The following TRPM3 variants were observed in gnomAD, a reference collection of about 807,000 sequenced individuals.
The protein encoded by TRPM3 is long transient receptor potential channel 3.
Under a neutral mutation model 181.2 loss-of-function variants are expected in TRPM3, and 77 were observed. The observed-to-expected ratio is 0.42, with a 90% CI of 0.35 to 0.51. The LOEUF is 0.51. Ranked by LOEUF, TRPM3 falls within the 20% of genes least tolerant of loss-of-function variation. TRPM3 has a pLI of 0.01. For synonymous variants in TRPM3, 745 were observed against 796.4 expected (o/e 0.94, Z 1.09); for missense variants, 1,759 against 2,196.7 (o/e 0.80, Z 3.98).
intron 8 of TRPM3, among the ~76,000 whole-genome samples, chr9:70,740,275 GA>G (rs1480595061): frequency 6.6e-6 from 1 of 152,082 alleles, no homozygotes; most frequent in Non-Finnish European, 1.5e-5. Flanking sequence ...GGAAGTGAAA[GA>G]CTTCTACAAC....
chr9:70,761,368 T>A (rs915542656), intron 8 of TRPM3: 2 of 661,614 alleles, frequency 3.0e-6, no homozygotes, highest in Non-Finnish European at 5.5e-6. Context: ...TTGGATGAGC[T>A]CCAAAAGGAA....
At chr9:70,658,424 G>A (rs2060661979) in intron 9 of TRPM3, among the ~76,000 whole-genome samples, 1 of 152,032 alleles carries the variant, frequency 6.6e-6, no homozygotes, top group Non-Finnish European at 1.5e-5. Context: ...GGCTTATTTG[G>A]TATAAAAATT....
intron 1 of TRPM3, among the ~76,000 whole-genome samples, chr9:71,294,123 A>G (rs1257325729): frequency 2.6e-5 from 4 of 152,044 alleles, no homozygotes; most frequent in African/African-American, 9.6e-5. Flanking sequence ...ATTTTCTAAA[A>G]AAGAAAACTA....
At chr9:71,269,793 G>T (rs1462116729) in intron 1 of TRPM3, among the ~76,000 whole-genome samples, 2 of 152,122 alleles carry the variant, frequency 1.3e-5, no homozygotes, top group Non-Finnish European at 2.9e-5. Context: ...AAATAATCTG[G>T]TCAACAGTAG....
intron 1 of TRPM3, among the ~76,000 whole-genome samples, chr9:71,133,973 T>TTGTGTG (rs72198070): frequency 9.4e-5 from 14 of 148,572 alleles, no homozygotes; most frequent in South Asian, 2.2e-4. Context: ...CTGTGTGTGT[T>TTGTGTG]TGTGTGTGTG....
chr9:71,063,796 C>T (rs934649430), intron 1 of TRPM3, among the ~76,000 whole-genome samples: 10 of 152,016 alleles, frequency 6.6e-5, no homozygotes, highest in African/African-American at 9.7e-5. Flanking sequence ...AAAGAAACAC[C>T]GCCAAAGGTG....
intron 5 of TRPM3, among the ~76,000 whole-genome samples, chr9:70,839,066 G>C (rs2094488869): frequency 6.6e-6 from 1 of 152,132 alleles, no homozygotes. Flanking sequence ...TTTACAGCCA[G>C]ATGCTTGGTT....
rs113738852 is a variant in TRPM3 at position 70,979,015 on chromosome 9, G to A, written c.178-114504C>T. ...TGCCCTGGAAGACATCTTGAGATGA[G>A]TCATCTCAAGGAAACACTTTTCTAG... On this transcript the variant is annotated intron_variant, in intron 1 of 25. Transcript: ENST00000677713. 1.2e-3 allele frequency among the ~76,000 whole-genome samples: 182 copies of A among 152,324 alleles called. 1 individual carries two copies. The highest frequency in any genetic ancestry group is 4.1e-3 in the African/African-American group (172 of 41,576).
At chr9:71,291,414 C>T (rs1022629017) in intron 1 of TRPM3, among the ~76,000 whole-genome samples, 6 of 152,134 alleles carry the variant, frequency 3.9e-5, no homozygotes, top group African/African-American at 1.4e-4. Context: ...GCCAGCAGTG[C>T]TCTTTCTATT....
chr9:71,005,952 CAAT>C (rs1487581859), intron 1 of TRPM3, among the ~76,000 whole-genome samples: 10 of 151,920 alleles, frequency 6.6e-5, no homozygotes, highest in Non-Finnish European at 1.2e-4. Context: ...ATTATTAAGA[CAAT>C]AATAAGTACA....
At position 71,438,207 on chromosome 9, in the gene TRPM3, G is replaced by C. The variant is rs74727911; in HGVS notation, c.183+8446C>G. ...GTTGAGAGGAAAAGAAAAGAGATCA[G>C]GAGAGGGAAAACCATAGACTAAAAA... On this transcript the variant is annotated intron_variant, in intron 1 of 24. Coordinates refer to the TRPM3 transcript ENST00000357533. Among the ~76,000 whole-genome samples the C allele has an allele frequency of 9.7e-3, 1,477 of 152,290 alleles. 20 individuals are homozygous for C. The highest frequency in any genetic ancestry group is 0.034 in the African/African-American group (1,402 of 41,558).
At chr9:70,948,864 T>C (rs1325005874) in intron 1 of TRPM3, among the ~76,000 whole-genome samples, 1 of 152,164 alleles carries the variant, frequency 6.6e-6, no homozygotes, top group African/African-American at 2.4e-5. Flanking sequence ...TAGTAATTAA[T>C]GCAGGAAGAT....
Position 71,316,277 on chromosome 9 carries a change from C to T in TRPM3, c.183+130376G>A, listed in dbSNP as rs898539204. On this transcript the variant is annotated intron_variant, in intron 1 of 24. Coordinates refer to the TRPM3 transcript ENST00000357533. ...CTCTTGAAGACCATACCAACAGACA[C>T]GCTCTAAAACATGTCCATTAATTCA... Among the ~76,000 whole-genome samples, 4 of 152,266 alleles carry T rather than the reference C, an allele frequency of 2.6e-5. No homozygotes were observed. The South Asian group carries it at 6.2e-4, about 24-fold the overall frequency.
chr9:71,081,386 G>A (rs918196656), intron 1 of TRPM3, among the ~76,000 whole-genome samples: 1 of 152,114 alleles, frequency 6.6e-6, no homozygotes, highest in Non-Finnish European at 1.5e-5. Context: ...TTCTTAGTGT[G>A]CTCATCTTTA....
chr9:71,347,818 T>C (rs2091382160), intron 1 of TRPM3, among the ~76,000 whole-genome samples: 1 of 152,118 alleles, frequency 6.6e-6, no homozygotes, highest in South Asian at 2.1e-4. Context: ...AATTTTAAAT[T>C]AAAACTTTTA....
At chr9:70,597,153 G>T (rs756302719) in intron 21 of TRPM3, among the ~76,000 whole-genome samples, 1 of 151,982 alleles carries the variant, frequency 6.6e-6, no homozygotes, top group Non-Finnish European at 1.5e-5. Context: ...GGCTGGTCTC[G>T]AACTCCCGAC....
At chr9:71,138,809 T>TA (rs1422182591) in intron 1 of TRPM3, among the ~76,000 whole-genome samples, 1 of 152,186 alleles carries the variant, frequency 6.6e-6, no homozygotes, top group African/African-American at 2.4e-5. Context: ...TCGGTGTACT[T>TA]ACAACTTACA....
intron 1 of TRPM3, among the ~76,000 whole-genome samples, chr9:70,887,070 T>C (rs565567632): frequency 6.6e-6 from 1 of 152,308 alleles, no homozygotes; most frequent in East Asian, 1.9e-4. Context: ...AAATCTGTAA[T>C]AGCATCTGCC....
chr9:71,420,629 AAAAG>A (rs2093714913), intron 1 of TRPM3, among the ~76,000 whole-genome samples: 1 of 142,906 alleles, frequency 7.0e-6, no homozygotes, highest in Non-Finnish European at 1.6e-5. Context: ...CAGAAAAAGA[AAAAG>A]AAAAAGAGAG....
Sources: allele counts gnomAD v4.1 joint callset (sites outside exome capture counted in the v4.1 genomes callset), GRCh38; gene constraint gnomAD v4.1.1; transcripts MANE v1.5; gene names NCBI Gene and HGNC (gene_info 2026-07-23, HGNC 2026-07-21).